The following CEP85L variants were observed in gnomAD, a reference collection of about 807,000 sequenced individuals.
CEP85L encodes the protein centrosomal protein 85L, also known as centrosomal protein of 85 kDa-like.
CEP85L carries 60 observed loss-of-function variants against 100.3 expected under a neutral mutation model. The observed-to-expected ratio is 0.60, with a 90% CI of 0.49 to 0.74. The LOEUF (loss-of-function observed/expected upper bound fraction) is 0.74. Ranked by LOEUF, CEP85L falls within the 30% of genes least tolerant of loss-of-function variation. The probability of loss-of-function intolerance (pLI) is 0.00; values close to 1 mark genes in which losing one functional copy is unlikely to be tolerated. For synonymous variants in CEP85L, 319 were observed against 322.7 expected (o/e 0.99, Z 0.12); for missense variants, 973 against 936.2 (o/e 1.04, Z -0.51).
At chr6:118,681,365 C>T (rs1844964) in intron 1 of CEP85L, among the ~76,000 whole-genome samples, 68,888 of 151,714 alleles carry the variant, frequency 0.45, 16,263 homozygotes, top group African/African-American at 0.57. Flanking sequence ...GAAGTAGTTC[C>T]CTAGAAGAAC....
At chr6:118,483,059 C>A (rs1487069306) in intron 7 of CEP85L, among the ~76,000 whole-genome samples, 1 of 152,022 alleles carries the variant, frequency 6.6e-6, no homozygotes, top group Non-Finnish European at 1.5e-5. Context: ...TCAAGGCACA[C>A]CCCTGTAACA....
At chr6:118,486,123 C>T (rs1208208011) in intron 6 of CEP85L, among the ~76,000 whole-genome samples, 4 of 152,176 alleles carry the variant, frequency 2.6e-5, no homozygotes, top group Non-Finnish European at 5.9e-5. Context: ...CATACATATT[C>T]ATTGGGTCTT....
chr6:118,474,918 C>G (rs887413929), intron 10 of CEP85L, among the ~76,000 whole-genome samples: 8 of 152,176 alleles, frequency 5.3e-5, no homozygotes, highest in African/African-American at 1.9e-4. Flanking sequence ...AGTGAGATAG[C>G]TGGGAAGAAT....
intron 1 of CEP85L, among the ~76,000 whole-genome samples, chr6:118,695,644 A>G (rs918388940): frequency 1.3e-5 from 2 of 152,240 alleles, no homozygotes; most frequent in South Asian, 2.1e-4. Context: ...TCTACAGGAC[A>G]GTGCCACAAT....
rs73528755 is a variant in CEP85L at position 118,614,325 on chromosome 6, G to C, written c.232+18128C>G. On this transcript the variant is annotated intron_variant, in intron 2 of 12. Coordinates refer to ENST00000368491, the MANE Select transcript of CEP85L (RefSeq NM_001042475.3). Reference sequence around the variant, plus strand: ...CTATATCTGTGTAATCAGAAACAAGGCAAGGATATCCACTTCTACTACTCA... The same window carrying C: ...CTATATCTGTGTAATCAGAAACAAGCCAAGGATATCCACTTCTACTACTCA... Among the ~76,000 whole-genome samples, 474 of 152,236 alleles carry C rather than the reference G, an allele frequency of 3.1e-3. 2 individuals are homozygous for C. The highest frequency in any genetic ancestry group is 0.011 in the African/African-American group (446 of 41,538).
rs116666676 is a variant in CEP85L at position 118,561,213 on chromosome 6, T to C, written c.1020+4316A>G. On this transcript the variant is annotated intron_variant, in intron 3 of 12. Transcript: ENST00000368491. ...TTCCTAAAAACAAGTAGAAAGCTTA[T>C]AAACAACAGGTGATACACTCACCTC... Among the ~76,000 whole-genome samples the C allele has an allele frequency of 1.6e-3, 249 of 152,290 alleles. 1 individual carries two copies. The highest frequency in any genetic ancestry group is 5.6e-3 in the African/African-American group (231 of 41,560).
At chr6:118,472,518 C>A (rs927215044) in intron 10 of CEP85L, among the ~76,000 whole-genome samples, 1 of 152,128 alleles carries the variant, frequency 6.6e-6, no homozygotes, top group African/African-American at 2.4e-5. Context: ...TTAATTACTT[C>A]TCTATCCTAA....
At chr6:118,606,298 G>C (rs191695018) in intron 2 of CEP85L, among the ~76,000 whole-genome samples, 1 of 152,278 alleles carries the variant, frequency 6.6e-6, no homozygotes, top group Middle Eastern at 3.4e-3. Context: ...GGTGCTGAGA[G>C]AAAGGAAAAT....
chr6:118,496,798 T>C (rs910840176), intron 5 of CEP85L, among the ~76,000 whole-genome samples: 2 of 152,236 alleles, frequency 1.3e-5, no homozygotes, highest in Admixed American at 1.3e-4. Context: ...CTTACTTATG[T>C]AACATATTCA....
At chr6:118,688,781 A>G (rs58955968) in intron 1 of CEP85L, among the ~76,000 whole-genome samples, 3,011 of 152,252 alleles carry the variant, frequency 0.02, 122 homozygotes, top group African/African-American at 0.069. Context: ...AGAGTTCCCT[A>G]GGAGCTCAGG....
intron 3 of CEP85L, among the ~76,000 whole-genome samples, chr6:118,535,281 A>G (rs1304977331): frequency 6.6e-6 from 1 of 152,168 alleles, no homozygotes; most frequent in Non-Finnish European, 1.5e-5. Flanking sequence ...AAGAAACCAC[A>G]CTCAAAGGCT....
At chr6:118,513,607 A>G (rs1031745272) in intron 4 of CEP85L, among the ~76,000 whole-genome samples, 50 of 152,250 alleles carry the variant, frequency 3.3e-4, no homozygotes, top group Middle Eastern at 6.8e-3. Flanking sequence ...AAAAAATTTG[A>G]AAACAACACA....
At chr6:118,467,075 G>A (rs188345725) in intron 12 of CEP85L, among the ~76,000 whole-genome samples, 18 of 152,226 alleles carry the variant, frequency 1.2e-4, no homozygotes, top group Non-Finnish European at 1.6e-4. Flanking sequence ...TCACTGAGAA[G>A]AGGAACCGGT....
In CEP85L at chr6:118,544,757, A is replaced by G. The variant is rs1277703191; in HGVS notation, c.1020+20772T>C. Among the ~76,000 whole-genome samples, 5 of 152,250 alleles carry G rather than the reference A, an allele frequency of 3.3e-5. No individual in the cohort carries two copies. The East Asian group carries it at 7.7e-4, about 24-fold the overall frequency. On this transcript the variant is annotated intron_variant, in intron 3 of 12. Transcript: ENST00000368491. ...AGTGAAAAGTGAACCTACCTCCCCC[A>G]AATGACCCCTAAGCTTTATAGGTTA...
chr6:118,596,605 T>C (rs901329020), intron 2 of CEP85L, among the ~76,000 whole-genome samples: 1 of 152,192 alleles, frequency 6.6e-6, no homozygotes, highest in Non-Finnish European at 1.5e-5. Flanking sequence ...CTAAATAGTC[T>C]TTATTATGCC....
chr6:118,566,410 G>A, intron 2 of CEP85L, 94 bp from the exon 3 acceptor site: 1 of 1,077,308 alleles, frequency 9.3e-7, no homozygotes, highest in East Asian at 2.6e-5. Context: ...TCTGAACATG[G>A]TTTCATAGCA....
chr6:118,533,962 G>A (rs1297630195), intron 3 of CEP85L, among the ~76,000 whole-genome samples: 2 of 152,130 alleles, frequency 1.3e-5, no homozygotes, highest in Admixed American at 6.5e-5. Flanking sequence ...AGGCGTGGTG[G>A]CTCATGCCTA....
At chr6:118,647,036 A>G (rs1775245538) in intron 1 of CEP85L, 3 of 985,292 alleles carry the variant, frequency 3.0e-6, no homozygotes, top group Middle Eastern at 5.2e-4. Flanking sequence ...TTACCCCCCA[A>G]TACCTATTAT....
intron 3 of CEP85L, among the ~76,000 whole-genome samples, chr6:118,561,270 T>C (rs1779207333): frequency 6.6e-6 from 1 of 152,186 alleles, no homozygotes; most frequent in Non-Finnish European, 1.5e-5. Context: ...ATACAGAAAG[T>C]ATCCCTAGTC....
Sources: gnomAD v4.1 joint callset for allele counts (sites outside exome capture counted in the v4.1 genomes callset) on GRCh38, gnomAD v4.1.1 for gene constraint, MANE v1.5 for transcripts, NCBI Gene and HGNC (gene_info 2026-07-23, HGNC 2026-07-21) for gene names.